The following MINAR2 variants were observed in gnomAD, a reference collection of about 807,000 sequenced individuals.
MINAR2 encodes the protein major intrinsically disordered NOTCH2-binding receptor 1-like.
MINAR2 carries 21 observed loss-of-function variants against 16.1 expected under a neutral mutation model. The ratio of observed to expected loss-of-function variants is 1.31; its 90% CI spans 0.93 to 1.88. The LOEUF is 1.88. Ranked by LOEUF, MINAR2 falls within the 40% of genes most tolerant of loss-of-function variation. MINAR2 has a pLI of 0.00. For missense variants in MINAR2, 259 were observed against 229.8 expected, an observed-to-expected ratio of 1.13 and a Z score of -0.82; for synonymous variants, 86 against 83.0, an observed-to-expected ratio of 1.04 and a Z score of -0.20.
chr5:129,748,175 G>C lies in MINAR2; in HGVS notation c.-16G>C, dbSNP rs757086810. The C allele has an allele frequency of 2.0e-6, 3 of 1,533,926 alleles. No homozygotes were observed. The highest frequency in any genetic ancestry group is 2.6e-6 in the Non-Finnish European group (3 of 1,145,750). ...GCTTTGCCTGTCTTTGTTTTCCACT[G>C]TAGGTGAAGGGAGACATGGATCTCT... On this transcript the variant is annotated 5_prime_UTR_variant, in exon 1 of 3. Transcript: ENST00000564719.
intron 1 of MINAR2, among the ~76,000 whole-genome samples, chr5:129,748,566 C>A (rs1184575677): frequency 6.6e-6 from 1 of 152,068 alleles, no homozygotes; most frequent in Non-Finnish European, 1.5e-5. Flanking sequence ...CATTAATTCC[C>A]CTCCTAGCAT....
chr5:129,751,354 A>T (rs1581287829), intron 1 of MINAR2, among the ~76,000 whole-genome samples: 1 of 151,962 alleles, frequency 6.6e-6, no homozygotes, highest in Non-Finnish European at 1.5e-5. Context: ...GATTACAGGC[A>T]CCCGCCACCA....
At chr5:129,753,207 G>C (rs572715344) in intron 1 of MINAR2, among the ~76,000 whole-genome samples, 1 of 151,994 alleles carries the variant, frequency 6.6e-6, no homozygotes, top group Admixed American at 6.6e-5. Context: ...TGCTGGGGCC[G>C]GGTGCCATGG....
intron 1 of MINAR2, among the ~76,000 whole-genome samples, chr5:129,758,341 G>C (rs1283973493): frequency 6.6e-6 from 1 of 151,776 alleles, no homozygotes; most frequent in African/African-American, 2.4e-5. Flanking sequence ...AAAGCGTATT[G>C]CTTATTTTGT....
chr5:129,749,523 C>G (rs1227598835), intron 1 of MINAR2, among the ~76,000 whole-genome samples: 1 of 152,116 alleles, frequency 6.6e-6, no homozygotes, highest in Non-Finnish European at 1.5e-5. Flanking sequence ...AACCCTTCTG[C>G]CATTTCATAC....
At chr5:129,756,296 A>T (rs1758052983) in intron 1 of MINAR2, among the ~76,000 whole-genome samples, 1 of 151,952 alleles carries the variant, frequency 6.6e-6, no homozygotes, top group Non-Finnish European at 1.5e-5. Flanking sequence ...ACTTGAACAA[A>T]CTTTTGATTT....
Position 129,765,142 on chromosome 5 carries a change from T to A in MINAR2, c.*79T>A. On this transcript the variant is annotated 3_prime_UTR_variant, in exon 3 of 3. Transcript: ENST00000564719. ...ACATTTGAAACCCCCCCCACCAAAA[T>A]AACAAAAAAACACATGTACATGCAG... is the stretch of plus-strand genomic sequence containing the variant. 2.3e-6 allele frequency: 2 copies of A among 858,064 alleles called. No individual in the cohort carries two copies. The highest frequency in any genetic ancestry group is 1.7e-5 in the African/African-American group (1 of 57,788). The allele number at this position is 858,064 out of a possible 1,614,324, so 53.2% of individuals were successfully genotyped here.
rs1758189068 is a variant in MINAR2 at position 129,764,891 on chromosome 5, C to T, written c.401C>T (p.Pro134Leu). ...TATGTAATTTTCTTTTAGGAAAATC[C>T]TAATGACCTGCGGTTTTGGTTGGGA... ...TNLSGHLKEN[P>L]NDLRFWLGDM... is the part of the protein sequence containing the mutation. Residue 134 changes from proline (P) to leucine (L), a missense_variant, in exon 3 of 3, where the codon CCT (proline) becomes CTT (leucine). Coordinates refer to ENST00000564719, the MANE Select transcript of MINAR2 (RefSeq NM_001257308.2). The T allele has an allele frequency of 1.2e-5, 16 of 1,318,802 alleles. No individual in the cohort carries two copies. Among genetic ancestry groups the T allele is most frequent in the Non-Finnish European group, 1.1e-5 (11 of 1,032,668 alleles). 81.7% of individuals were successfully genotyped at this position (1,318,802 alleles called of 1,614,324 possible).
chr5:129,748,322 T>C lies in MINAR2; in HGVS notation c.132T>C (p.Ala44=). Residue 44 remains alanine, a synonymous_variant, in exon 1 of 3, where the codon GCT becomes GCC. Transcript: ENST00000564719. ...GGTTTCCGGGTGGAAATTATCCTGCTGCACAACACTGGCAAAACCTTGTCT... is the reference window on the plus strand; with the variant it reads ...GGTTTCCGGGTGGAAATTATCCTGCCGCACAACACTGGCAAAACCTTGTCT... ...LVRFPGGNYP[A]AQHWQNLVYS... 3 of 1,535,200 alleles carry C rather than the reference T, an allele frequency of 2.0e-6. No homozygotes were observed. The highest frequency in any genetic ancestry group is 2.6e-6 in the Non-Finnish European group (3 of 1,146,538).
At chr5:129,762,127 C>T (rs554376743) in intron 2 of MINAR2, among the ~76,000 whole-genome samples, 2 of 151,872 alleles carry the variant, frequency 1.3e-5, no homozygotes, top group African/African-American at 4.8e-5. Flanking sequence ...ACAGGTATAA[C>T]TATGTAACAA....
At chr5:129,761,338 G>A (rs1758132672) in intron 2 of MINAR2, among the ~76,000 whole-genome samples, 2 of 152,134 alleles carry the variant, frequency 1.3e-5, no homozygotes, top group African/African-American at 4.8e-5. Context: ...CCTAGGCCAG[G>A]AAGGCCTGCC....
intron 1 of MINAR2, among the ~76,000 whole-genome samples, chr5:129,749,374 T>G (rs539435147): frequency 3.2e-4 from 48 of 152,308 alleles, no homozygotes; most frequent in African/African-American, 1.1e-3. Flanking sequence ...CATGAGATCA[T>G]TCAAAATCAA....
Position 129,756,804 on chromosome 5 carries a change from A to G in MINAR2, c.166-3574A>G, listed in dbSNP as rs190912890. Among the ~76,000 whole-genome samples, 224 of 151,852 alleles carry G rather than the reference A, an allele frequency of 1.5e-3. 1 individual carries two copies. Among genetic ancestry groups the G allele is most frequent in the Middle Eastern group, 6.8e-3 (2 of 294 alleles). Reference sequence around the variant, plus strand: ...TGTTAACTAACTTTATTCATTTTCTAGAAACATTCTTTATATCTAGCAAAG... The same window carrying G: ...TGTTAACTAACTTTATTCATTTTCTGGAAACATTCTTTATATCTAGCAAAG... On this transcript the variant is annotated intron_variant, in intron 1 of 2. Coordinates refer to ENST00000564719, the MANE Select transcript of MINAR2 (RefSeq NM_001257308.2).
rs760094061 is a variant in MINAR2, at chr5:129,764,954, A to C, written c.464A>C (p.Lys155Thr). ...YTPGFDTLLKKEEKQEKHSKF... is the reference protein window; with the variant it reads ...YTPGFDTLLKTEEKQEKHSKF... ...CCAGGTTTTGACACTTTATTGAAAA[A>C]GGAAGAGAAACAAGAGAAGCATTCA... Residue 155 changes from lysine (K) to threonine (T), a missense_variant, in exon 3 of 3, where the codon AAG becomes ACG. Coordinates refer to ENST00000564719, the MANE Select transcript of MINAR2 (RefSeq NM_001257308.2). 1.4e-6 allele frequency: 2 copies of C among 1,404,920 alleles called. No individual in the cohort carries two copies. The highest frequency in any genetic ancestry group is 2.7e-5 in the Admixed American group (1 of 37,096). 87.0% of individuals were successfully genotyped at this position (1,404,920 alleles called of 1,614,324 possible).
chr5:129,756,429 AGCAGTATACACT>A (rs1758055035), intron 1 of MINAR2, among the ~76,000 whole-genome samples: 1 of 151,944 alleles, frequency 6.6e-6, no homozygotes, highest in South Asian at 2.1e-4. Context: ...CCATCACCCA[AGCAGTATACACT>A]GCACCATATT....
chr5:129,759,638 G>T (rs1758101546), intron 1 of MINAR2, among the ~76,000 whole-genome samples: 1 of 152,078 alleles, frequency 6.6e-6, no homozygotes, highest in African/African-American at 2.4e-5. Flanking sequence ...CTTTGGGCAG[G>T]GGGAGGGAGG....
At position 129,766,042 on chromosome 5, in the gene MINAR2, TGCTA is replaced by T. The variant is rs1758208239; in HGVS notation, c.*984_*987del. On this transcript the variant is annotated 3_prime_UTR_variant, in exon 3 of 3. Coordinates refer to ENST00000564719, the MANE Select transcript of MINAR2 (RefSeq NM_001257308.2). ...AAAGGCAGTTGTTATTATTAATTTA[TGCTA>T]GCTAATTGACAACCTGAGTTTACCT... 6.6e-6 allele frequency: 1 copy of T among 152,234 alleles called. No individual in the cohort carries two copies. Among genetic ancestry groups the T allele is most frequent in the Admixed American group, 6.5e-5 (1 of 15,290 alleles). 9.4% of individuals were successfully genotyped at this position (152,234 alleles called of 1,614,324 possible). A position where few individuals can be genotyped will look rare whatever the true frequency, so the allele number is the denominator to read the frequency against.
At chr5:129,758,604 C>A (rs1326368651) in intron 1 of MINAR2, among the ~76,000 whole-genome samples, 1 of 151,570 alleles carries the variant, frequency 6.6e-6, no homozygotes, top group Non-Finnish European at 1.5e-5. Flanking sequence ...CTTGATCTCC[C>A]CAAAACTGTA....
In MINAR2 at chr5:129,748,268, C is replaced by G. The variant is rs1484353177; in HGVS notation, c.78C>G (p.Ser26Arg). Residue 26 changes from serine (S) to arginine (R), a missense_variant, in exon 1 of 3, where the codon AGC becomes AGG. Coordinates refer to ENST00000564719, the MANE Select transcript of MINAR2 (RefSeq NM_001257308.2). Reference protein sequence around the residue: ...LQLDVKSLTRSSALLQASLVR... With the variant: ...LQLDVKSLTRRSALLQASLVR... ...TTGACGTAAAGTCTTTAACGAGGAG[C>G]TCAGCCCTCCTTCAGGCCAGCCTGG... 3.9e-6 allele frequency: 6 copies of G among 1,535,230 alleles called. No homozygotes were observed. Among genetic ancestry groups the G allele is most frequent in the Non-Finnish European group, 4.4e-6 (5 of 1,146,560 alleles).
Sources: gnomAD v4.1 joint callset for allele counts (sites outside exome capture counted in the v4.1 genomes callset) on GRCh38, gnomAD v4.1.1 for gene constraint, MANE v1.5 for transcripts, NCBI Gene and HGNC (gene_info 2026-07-23, HGNC 2026-07-21) for gene names.